The following SRFBP1 variants were observed in gnomAD, a reference collection of about 807,000 sequenced individuals.
The protein encoded by SRFBP1 is serum response factor binding protein 1.
SRFBP1 carries 47 observed loss-of-function variants against 45.5 expected under a neutral mutation model. The observed-to-expected ratio is 1.03, with a 90% CI of 0.82 to 1.32. The LOEUF is 1.32. SRFBP1 is among the 40% of genes most tolerant of loss of function. SRFBP1 has a pLI of 0.00. For synonymous variants in SRFBP1, 203 were observed against 166.3 expected, an observed-to-expected ratio of 1.22 and a Z score of -1.70; for missense variants, 621 against 484.6, an observed-to-expected ratio of 1.28 and a Z score of -2.64.
At chr5:122,077,068 C>T, downstream of SRFBP1, 2 of 1,584,400 alleles carry the variant, frequency 1.3e-6, no homozygotes, top group Non-Finnish European at 8.6e-7. This position sits in a 1 kb window ranked among gnomAD's most constrained non-coding sequence, Gnocchi z 4.9. Flanking sequence ...AACTCCCTAC[C>T]CCTCTAGGTC....
intron 4 of SRFBP1, among the ~76,000 whole-genome samples, chr5:122,012,297 T>G (rs2112697567): frequency 6.6e-6 from 1 of 152,172 alleles, no homozygotes; most frequent in South Asian, 2.1e-4. Flanking sequence ...GGAATAAAAT[T>G]AGAAGCTAAA....
chr5:121,990,801 C>A (rs918111012), intron 3 of SRFBP1, among the ~76,000 whole-genome samples: 1 of 152,162 alleles, frequency 6.6e-6, no homozygotes, highest in Non-Finnish European at 1.5e-5. Flanking sequence ...GTCCTCAACA[C>A]ATTTTCTTTT....
chr5:121,991,351 TAAA>T (rs920947067), intron 3 of SRFBP1, among the ~76,000 whole-genome samples: 4 of 152,094 alleles, frequency 2.6e-5, no homozygotes, highest in African/African-American at 9.7e-5. Flanking sequence ...AATTCTCCCT[TAAA>T]AAATAGATAT....
rs1343525352 is a variant in SRFBP1 at position 122,000,938 on chromosome 5, C to T, written c.270+6268C>T. Among the ~76,000 whole-genome samples the T allele has an allele frequency of 2.0e-5, 3 of 152,214 alleles. No individual in the cohort carries two copies. The East Asian group carries it at 5.8e-4, about 29-fold the overall frequency. ...TTGAACTGTGTGTTCCCAGAGGATA[C>T]ATTATCATTCTCTCTGCCTTCAGGG... On this transcript the variant is annotated intron_variant, in intron 4 of 7. Transcript: ENST00000339397.
chr5:122,035,068 C>T (rs190117225), intron 2 of SRFBP1, among the ~76,000 whole-genome samples: 1 of 151,278 alleles, frequency 6.6e-6, no homozygotes, highest in Non-Finnish European at 1.5e-5. Context: ...GTTGTTTTTT[C>T]TATTACCCTT....
intron 3 of SRFBP1, among the ~76,000 whole-genome samples, chr5:121,983,476 A>G (rs1752453987): frequency 6.6e-6 from 1 of 151,708 alleles, no homozygotes; most frequent in African/African-American, 2.4e-5. Context: ...TAAACAAGCT[A>G]TTTTGCCTTA....
chr5:122,036,306 A>T (rs1273317607), intron 2 of SRFBP1, among the ~76,000 whole-genome samples: 2 of 152,100 alleles, frequency 1.3e-5, no homozygotes, highest in African/African-American at 4.8e-5. Context: ...GGTCAATCAT[A>T]CAGGTGATTT....
At chr5:121,974,384 T>A in intron 2 of SRFBP1, 100 bp downstream of exon 2, 1 of 796,364 alleles carries the variant, frequency 1.3e-6, no homozygotes, top group Non-Finnish European at 2.1e-6. Context: ...GAGAAGTAAT[T>A]AAATGTCTTA....
At chr5:122,007,679 A>T (rs1030664316) in intron 4 of SRFBP1, among the ~76,000 whole-genome samples, 5 of 148,334 alleles carry the variant, frequency 3.4e-5, no homozygotes, top group Non-Finnish European at 7.5e-5. Context: ...GTCCAGTGGG[A>T]GTTTTCTGGG....
At chr5:122,076,870 G>T, downstream of SRFBP1, 6 of 1,607,946 alleles carry the variant, frequency 3.7e-6, no homozygotes, top group Non-Finnish European at 4.3e-6. Flanking sequence ...GGGGAGCGGG[G>T]CCTCAGACAT....
intron 2 of SRFBP1, chr5:122,063,137 A>G (rs1754209553): frequency 6.6e-6 from 1 of 151,998 alleles, no homozygotes; most frequent in South Asian, 2.1e-4. Flanking sequence ...GGCTTATAAC[A>G]TTTCAACTAA....
In SRFBP1 at chr5:122,020,553, C is replaced by A. The variant is rs1289670417; in HGVS notation, c.818C>A (p.Ser273Tyr). ...DSTEERFYKQSSMSEDSDSGD... is the reference protein window; with the variant it reads ...DSTEERFYKQYSMSEDSDSGD... ...ACAGAAGAAAGGTTTTACAAGCAGT[C>A]TTCCATGTCTGAAGATAGTGATAGC... Residue 273 changes from serine to tyrosine, a missense_variant, in exon 6 of 8, where the codon TCT (serine) becomes TAT (tyrosine). Coordinates refer to ENST00000339397, the MANE Select transcript of SRFBP1 (RefSeq NM_152546.3). The A allele has an allele frequency of 6.2e-7, 1 of 1,614,024 alleles. No individual in the cohort carries two copies. Among genetic ancestry groups the A allele is most frequent in the Non-Finnish European group, 8.5e-7 (1 of 1,180,000 alleles).
In SRFBP1 at chr5:122,027,182, A is replaced by T; in HGVS notation, c.*56A>T. On this transcript the variant is annotated 3_prime_UTR_variant, in exon 8 of 8. Coordinates refer to ENST00000339397, the MANE Select transcript of SRFBP1 (RefSeq NM_152546.3). ...TAAAAAAAAAAATGTTTTTTTTAAGACAGGATCTCATTCTGTTGCCCAGAC... is the reference window on the plus strand; with the variant it reads ...TAAAAAAAAAAATGTTTTTTTTAAGTCAGGATCTCATTCTGTTGCCCAGAC... 1 of 1,408,248 alleles carries T rather than the reference A, an allele frequency of 7.1e-7. No homozygotes were observed. The highest frequency in any genetic ancestry group is 2.4e-5 in the East Asian group (1 of 42,480). The allele number at this position is 1,408,248 out of a possible 1,614,324, so 87.2% of individuals were successfully genotyped here. A position where few individuals can be genotyped will look rare whatever the true frequency, so the allele number is the denominator to read the frequency against.
downstream of SRFBP1, among the ~76,000 whole-genome samples, chr5:122,032,314 G>C (rs1169802141): frequency 6.6e-6 from 1 of 150,810 alleles, no homozygotes; most frequent in Non-Finnish European, 1.5e-5. Flanking sequence ...TGTTCGTGAA[G>C]TCAGAGCTAC....
In SRFBP1 at chr5:121,994,625, A is replaced by C. The variant is rs755273251; in HGVS notation, c.225A>C (p.Lys75Asn). 1.3e-6 allele frequency: 2 copies of C among 1,598,724 alleles called. No individual in the cohort carries two copies. Among genetic ancestry groups the C allele is most frequent in the South Asian group, 2.3e-5 (2 of 87,988 alleles). ...AATTGAAACCTGACATAGTAACTAA[A>C]TCTGCTCTTGGTGATGATATCAACT... ...MKELKPDIVTKSALGDDINFE... is the reference protein window; with the variant it reads ...MKELKPDIVTNSALGDDINFE... Residue 75 changes from lysine (K) to asparagine (N), a missense_variant, in exon 4 of 8, where the codon AAA (lysine) becomes AAC (asparagine). By Grantham distance (94) the Lys-to-Asn change is moderately conservative. Transcript: ENST00000339397.
At chr5:122,024,015 G>C in intron 7 of SRFBP1, among the ~76,000 whole-genome samples, 1 of 152,142 alleles carries the variant, frequency 6.6e-6, no homozygotes, top group Non-Finnish European at 1.5e-5. Context: ...CTCTGCTCTA[G>C]GGCTGAGTTG....
rs1327800824 is a variant in SRFBP1 at position 122,027,801 on chromosome 5, A to T, written c.*675A>T. The stretch of plus-strand genomic sequence containing the variant: ...ATCATGTACTTTTTGATTCTAAAAT[A>T]GTTGTCTAGGACAATTTTGGGATTC... On this transcript the variant is annotated 3_prime_UTR_variant, in exon 8 of 8. Transcript: ENST00000339397. 1.3e-5 allele frequency: 2 copies of T among 152,178 alleles called. No homozygotes were observed. The highest frequency in any genetic ancestry group is 2.9e-5 in the Non-Finnish European group (2 of 68,018). 9.4% of individuals were successfully genotyped at this position (152,178 alleles called of 1,614,324 possible).
At chr5:122,024,860 C>T (rs1230933613) in intron 7 of SRFBP1, among the ~76,000 whole-genome samples, 1 of 152,116 alleles carries the variant, frequency 6.6e-6, no homozygotes, top group Non-Finnish European at 1.5e-5. Flanking sequence ...ATATACAACT[C>T]TATGTAATAT....
chr5:122,000,517 TTTTG>T (rs1168732523), intron 4 of SRFBP1, among the ~76,000 whole-genome samples: 1 of 152,080 alleles, frequency 6.6e-6, no homozygotes, highest in Non-Finnish European at 1.5e-5. Flanking sequence ...CAAGGAAGTT[TTTTG>T]TTTGTCCTTT....
Sources: gnomAD v4.1 joint callset for allele counts (sites outside exome capture counted in the v4.1 genomes callset) on GRCh38, gnomAD v4.1.1 for gene constraint, Gnocchi (gnomAD v3.1) non-coding constraint, MANE v1.5 for transcripts, NCBI Gene and HGNC (gene_info 2026-07-23, HGNC 2026-07-21) for gene names.